Variants in NKAIN2 observed in about 807,000 individuals in gnomAD.
NKAIN2 encodes the protein sodium/potassium transporting ATPase interacting 2.
Under a neutral mutation model 32.6 loss-of-function variants are expected in NKAIN2, and 14 were observed. The observed-to-expected ratio is 0.43, with a 90% CI of 0.28 to 0.67. The LOEUF (loss-of-function observed/expected upper bound fraction) is 0.67. NKAIN2 is among the 30% of genes least tolerant of loss of function. The pLI, the probability that NKAIN2 is intolerant of heterozygous loss-of-function variation, is 0.17. For missense variants in NKAIN2, 198 were observed against 258.3 expected (o/e 0.77, Z 1.60); for synonymous variants, 80 against 87.2 (o/e 0.92, Z 0.46).
At chr6:123,992,633 C>T (rs1372828564) in intron 1 of NKAIN2, among the ~76,000 whole-genome samples, 1 of 152,070 alleles carries the variant, frequency 6.6e-6, no homozygotes, top group Non-Finnish European at 1.5e-5. Context: ...AGATATAAAC[C>T]TATAAAAAGG....
chr6:124,525,596 T>C (rs942701440), intron 3 of NKAIN2, among the ~76,000 whole-genome samples: 1 of 152,174 alleles, frequency 6.6e-6, no homozygotes, highest in Non-Finnish European at 1.5e-5. Flanking sequence ...TTATAAACAA[T>C]GGATTATGGT....
intron 5 of NKAIN2, among the ~76,000 whole-genome samples, chr6:124,817,294 T>C (rs1447496224): frequency 6.6e-6 from 1 of 152,182 alleles, no homozygotes; most frequent in Non-Finnish European, 1.5e-5. Flanking sequence ...ATTTTATGTG[T>C]GACCCAAGAC....
At chr6:124,784,320 T>C (rs1779405304) in intron 4 of NKAIN2, among the ~76,000 whole-genome samples, 1 of 152,140 alleles carries the variant, frequency 6.6e-6, no homozygotes, top group Non-Finnish European at 1.5e-5. Context: ...AGTCAAGACA[T>C]AGAACAGTTT....
intron 5 of NKAIN2, among the ~76,000 whole-genome samples, chr6:124,796,908 G>A (rs974272923): frequency 2.5e-4 from 38 of 152,090 alleles, no homozygotes; most frequent in South Asian, 8.3e-4. Flanking sequence ...ATGGCCTCCC[G>A]TCTTCTATTC....
intron 1 of NKAIN2, among the ~76,000 whole-genome samples, chr6:124,054,922 T>C (rs182581982): frequency 1.3e-5 from 2 of 152,082 alleles, no homozygotes; most frequent in African/African-American, 4.8e-5. Context: ...CCCTGACTTA[T>C]ATAATGACCA....
chr6:124,063,533 A>G (rs1392833647), intron 1 of NKAIN2, among the ~76,000 whole-genome samples: 2 of 151,776 alleles, frequency 1.3e-5, no homozygotes, highest in Admixed American at 6.6e-5. Flanking sequence ...TTACCTCATG[A>G]ATTTGTTGTG....
intron 3 of NKAIN2, among the ~76,000 whole-genome samples, chr6:124,588,449 TCATA>T (rs1028617312): frequency 1.3e-5 from 2 of 152,144 alleles, no homozygotes; most frequent in African/African-American, 4.8e-5. Context: ...TCGGTAATGA[TCATA>T]CACTTATTCA....
At chr6:124,427,557 G>A (rs1775034815) in intron 3 of NKAIN2, among the ~76,000 whole-genome samples, 2 of 152,116 alleles carry the variant, frequency 1.3e-5, no homozygotes. Flanking sequence ...CACTTAACCA[G>A]GACTTTTCAG....
At chr6:123,892,482 A>C (rs939242975) in intron 1 of NKAIN2, among the ~76,000 whole-genome samples, 1 of 150,846 alleles carries the variant, frequency 6.6e-6, no homozygotes, top group Non-Finnish European at 1.5e-5. Flanking sequence ...CTCTCATGAG[A>C]CTCGCTATCA....
chr6:124,218,922 G>A (rs1035238968), intron 1 of NKAIN2, among the ~76,000 whole-genome samples: 2 of 152,138 alleles, frequency 1.3e-5, no homozygotes, highest in African/African-American at 4.8e-5. Flanking sequence ...ACACAGCAGG[G>A]GAGGCCTCAG....
At chr6:124,748,668 T>A (rs995463290) in intron 4 of NKAIN2, among the ~76,000 whole-genome samples, 2 of 151,930 alleles carry the variant, frequency 1.3e-5, no homozygotes, top group African/African-American at 4.8e-5. Flanking sequence ...AAAGCGCAGA[T>A]CTATCGTCTT....
chr6:124,159,858 A>C (rs1031635788), intron 1 of NKAIN2, among the ~76,000 whole-genome samples: 3 of 152,176 alleles, frequency 2.0e-5, no homozygotes, highest in African/African-American at 7.2e-5. Flanking sequence ...TGACCATGAA[A>C]TACAGACAGC....
intron 5 of NKAIN2, among the ~76,000 whole-genome samples, chr6:124,809,472 A>G (rs1201987251): frequency 1.3e-5 from 2 of 148,648 alleles, no homozygotes; most frequent in Admixed American, 6.8e-5. Flanking sequence ...CACCTTATAC[A>G]AAAATCAATT....
In NKAIN2 at chr6:124,658,490, T is replaced by G. The variant is rs187262977; in HGVS notation, c.474+104T>G. On this transcript the variant is annotated intron_variant, in intron 4 of 6. Coordinates refer to ENST00000368417, the MANE Select transcript of NKAIN2 (RefSeq NM_001040214.3). ...GGAATCTGTGGGTAAAGTGTGGCCT[T>G]TTTGCTTTTTCCTCATTAATGCGAC... is the stretch of plus-strand genomic sequence containing the variant. The G allele has an allele frequency of 2.5e-4, 389 of 1,560,944 alleles. No homozygotes were observed. The African/African-American group carries it at 4.5e-3, about 18-fold the overall frequency.
At chr6:124,797,342 T>G (rs1433931330) in intron 5 of NKAIN2, among the ~76,000 whole-genome samples, 1 of 152,128 alleles carries the variant, frequency 6.6e-6, no homozygotes, top group African/African-American at 2.4e-5. Context: ...CTAAAAGAGA[T>G]TCAATGTATT....
intron 1 of NKAIN2, among the ~76,000 whole-genome samples, chr6:124,059,160 A>G (rs1337875373): frequency 6.6e-6 from 1 of 152,134 alleles, no homozygotes; most frequent in Non-Finnish European, 1.5e-5. Flanking sequence ...AAAATTTGTT[A>G]AAGTGTAAGT....
At chr6:124,407,198 T>C (rs1773899466) in intron 3 of NKAIN2, among the ~76,000 whole-genome samples, 1 of 152,178 alleles carries the variant, frequency 6.6e-6, no homozygotes, top group Non-Finnish European at 1.5e-5. Context: ...TGAGCTAGTT[T>C]ATTTTTATTA....
In NKAIN2 at chr6:124,414,929, T is replaced by G. The variant is rs149016895; in HGVS notation, c.273+59582T>G. Among the ~76,000 whole-genome samples the G allele has an allele frequency of 8.3e-3, 1,263 of 152,028 alleles. 14 individuals are homozygous for G. The highest frequency in any genetic ancestry group is 0.027 in the African/African-American group (1,129 of 41,482). ...AATATTTATAATATTATTGATCCTC[T>G]CTAAGAATCAGCTTTAAAAAAGAAT... On this transcript the variant is annotated intron_variant, in intron 3 of 6. Coordinates refer to ENST00000368417, the MANE Select transcript of NKAIN2 (RefSeq NM_001040214.3).
Position 124,127,066 on chromosome 6 carries a change from T to TAG in NKAIN2, c.55-155927_55-155926dup, listed in dbSNP as rs532908578. On this transcript the variant is annotated intron_variant, in intron 1 of 6. Coordinates refer to ENST00000368417, the MANE Select transcript of NKAIN2 (RefSeq NM_001040214.3). ...TGAATTAGAATAATACATATATATA[T>TAG]AGAGAGAGAGAGAAGAAAATGTTAT... is the stretch of plus-strand genomic sequence containing the variant. 9.0e-3 allele frequency among the ~76,000 whole-genome samples: 1,366 copies of TAG among 151,884 alleles called. 22 individuals carry two copies. Among genetic ancestry groups the TAG allele is most frequent in the African/African-American group, 0.03 (1,245 of 41,404 alleles).
Sources: gnomAD v4.1 joint callset for allele counts (sites outside exome capture counted in the v4.1 genomes callset) on GRCh38, gnomAD v4.1.1 for gene constraint, MANE v1.5 for transcripts, NCBI Gene and HGNC (gene_info 2026-07-23, HGNC 2026-07-21) for gene names.